GPRIN3: variants seen among roughly 807,000 people sequenced by gnomAD.
The protein encoded by GPRIN3 is G protein-regulated inducer of neurite outgrowth 3.
Under a neutral mutation model 13.7 loss-of-function variants are expected in GPRIN3, and 12 were observed. That is an observed-to-expected ratio of 0.87 (90% CI 0.56 to 1.42). The LOEUF (loss-of-function observed/expected upper bound fraction) is 1.42. GPRIN3 is among the 40% of genes most tolerant of loss of function. The pLI is 0.00. For synonymous variants in GPRIN3, 377 were observed against 372.7 expected (o/e 1.01, Z -0.13); for missense variants, 1,009 against 958.7 (o/e 1.05, Z -0.69).
intron 1 of GPRIN3, among the ~76,000 whole-genome samples, chr4:89,274,216 AGTGCTATTTAACTGT>A (rs1420586332): frequency 6.6e-6 from 1 of 152,184 alleles, no homozygotes; most frequent in Non-Finnish European, 1.5e-5. Context: ...ATAACCCCGA[AGTGCTATTTAACTGT>A]GTTGTTGTCG....
In GPRIN3 at chr4:89,249,573, T is replaced by C. The variant is rs72869899; in HGVS notation, c.538A>G (p.Ser180Gly). 2,787 of 1,614,154 alleles carry C rather than the reference T, an allele frequency of 1.7e-3. 41 individuals are homozygous for C. The African/African-American group carries it at 0.032, about 18-fold the overall frequency. Residue 180 changes from serine (S) to glycine (G), a missense_variant, in exon 2 of 2, where the codon AGC becomes GGC. Physicochemically the swap from Ser to Gly is moderately conservative, Grantham distance 56 (BLOSUM62 0). Coordinates refer to ENST00000609438, the MANE Select transcript of GPRIN3 (RefSeq NM_198281.3). ...TCACAGGACACCTGATCTTTGCTGC[T>C]ACTGAGGACGCCTCCCACAGGACAA... ...PSCPVGGVLS[S>G]SKDQVSCEFP...
chr4:89,249,008 T>C lies in GPRIN3; in HGVS notation c.1103A>G (p.His368Arg), dbSNP rs766855005. 21 of 1,614,068 alleles carry C rather than the reference T, an allele frequency of 1.3e-5. No individual in the cohort carries two copies. In the African/African-American group the frequency reaches 2.0e-4, roughly 15 times the overall value. Residue 368 changes from histidine to arginine, a missense_variant, in exon 2 of 2, where the codon CAC becomes CGC. Coordinates refer to ENST00000609438, the MANE Select transcript of GPRIN3 (RefSeq NM_198281.3). ...LRVICHSSGS[H>R]TLELSDSTLA... ...CGTGCTGTCAGAGAGCTCCAGTGTGTGGCTCCCACTGCTGTGGCAAATGAC... is the reference window on the plus strand; with the variant it reads ...CGTGCTGTCAGAGAGCTCCAGTGTGCGGCTCCCACTGCTGTGGCAAATGAC...
chr4:89,266,457 A>G (rs1161674575), intron 1 of GPRIN3, among the ~76,000 whole-genome samples: 4 of 152,170 alleles, frequency 2.6e-5, no homozygotes, highest in Non-Finnish European at 5.9e-5. Flanking sequence ...TCACCACATA[A>G]TTTGACTACA....
chr4:89,272,935 T>C (rs532152395), intron 1 of GPRIN3, among the ~76,000 whole-genome samples: 1 of 152,332 alleles, frequency 6.6e-6, no homozygotes, highest in East Asian at 1.9e-4. Flanking sequence ...ACCATCAGCT[T>C]GGGCCCTCTG....
chr4:89,277,529 G>C (rs1724128251), intron 1 of GPRIN3, among the ~76,000 whole-genome samples: 2 of 152,216 alleles, frequency 1.3e-5, no homozygotes, highest in African/African-American at 4.8e-5. Flanking sequence ...CTGACCTTCA[G>C]GCTACTTGTC....
Position 89,249,118 on chromosome 4 carries a change from T to C in GPRIN3, c.993A>G (p.Arg331=). 1.2e-6 allele frequency: 2 copies of C among 1,614,136 alleles called. No individual in the cohort carries two copies. The highest frequency in any genetic ancestry group is 1.7e-6 in the Non-Finnish European group (2 of 1,180,014). The change falls in exon 2 of 2, where the codon AGA becomes AGG. Residue 331 remains arginine (R), a synonymous_variant. Transcript: ENST00000609438. ...EVQAVASVES[R]SVSTSPSILT... ...GGATACTGGGGCTGGTGGAGACGGA[T>C]CTGCTCTCGACACTCGCCACTGCCT...
intron 1 of GPRIN3, among the ~76,000 whole-genome samples, chr4:89,257,263 T>C (rs1451321879): frequency 6.6e-6 from 1 of 152,158 alleles, no homozygotes; most frequent in Non-Finnish European, 1.5e-5. Flanking sequence ...ATCCAGTTTG[T>C]CTTTTCAACA....
chr4:89,282,722 C>G (rs1561217595), intron 1 of GPRIN3, among the ~76,000 whole-genome samples: 1 of 150,846 alleles, frequency 6.6e-6, no homozygotes, highest in Non-Finnish European at 1.5e-5. Context: ...GAATATTAAT[C>G]TGACAAATCA....
chr4:89,286,618 T>G (rs924891339), intron 1 of GPRIN3, among the ~76,000 whole-genome samples: 2 of 152,158 alleles, frequency 1.3e-5, no homozygotes, highest in African/African-American at 4.8e-5. Flanking sequence ...GTACATATCC[T>G]TTTATACATT....
rs920884716 is a variant in GPRIN3, at chr4:89,248,230, G to A, written c.1881C>T (p.Ser627=). Residue 627 remains serine (S), a synonymous_variant, in exon 2 of 2, where the codon TCC becomes TCT. Transcript: ENST00000609438. ...PGSGKKTPSR[S]VKASPRRPSR... Reference sequence around the variant, plus strand: ...TGGGCCTGCGTGGGCTGGCTTTGACGGAGCGAGATGGGGTCTTCTTGCCAG... The same window carrying A: ...TGGGCCTGCGTGGGCTGGCTTTGACAGAGCGAGATGGGGTCTTCTTGCCAG... 53 of 1,614,066 alleles carry A rather than the reference G, an allele frequency of 3.3e-5. No homozygotes were observed. Among genetic ancestry groups the A allele is most frequent in the Middle Eastern group, 1.6e-4 (1 of 6,084 alleles).
chr4:89,247,165 G>A lies in GPRIN3; in HGVS notation c.*615C>T, dbSNP rs1723123459. 6.6e-6 allele frequency: 1 copy of A among 152,116 alleles called. No homozygotes were observed. Among genetic ancestry groups the A allele is most frequent in the African/African-American group, 2.4e-5 (1 of 41,420 alleles). The allele number at this position is 152,116 out of a possible 1,614,324, so 9.4% of individuals were successfully genotyped here. On this transcript the variant is annotated 3_prime_UTR_variant, in exon 2 of 2. Transcript: ENST00000609438. ...ACAGCAATAAGAAGGTTTATAAAAA[G>A]AGTTGTCTGCAGATGTTTATAAACA...
chr4:89,292,345 G>A (rs1724595798), intron 1 of GPRIN3, among the ~76,000 whole-genome samples: 1 of 152,052 alleles, frequency 6.6e-6, no homozygotes, highest in Non-Finnish European at 1.5e-5. Flanking sequence ...AAATATATTT[G>A]GGATTGTGAA....
chr4:89,258,217 G>T (rs1188951480), intron 1 of GPRIN3, among the ~76,000 whole-genome samples: 2 of 137,536 alleles, frequency 1.5e-5, no homozygotes, highest in African/African-American at 2.6e-5. Context: ...CTTGTAGAAT[G>T]GTTAAGCCTG....
chr4:89,266,845 TC>T (rs1723794907), intron 1 of GPRIN3, among the ~76,000 whole-genome samples: 1 of 152,216 alleles, frequency 6.6e-6, no homozygotes. Context: ...TGATACAAAT[TC>T]AAGTGTTTTA....
chr4:89,303,643 G>A (rs976322568), intron 1 of GPRIN3, among the ~76,000 whole-genome samples: 2 of 151,692 alleles, frequency 1.3e-5, no homozygotes, highest in African/African-American at 4.8e-5. Context: ...GGAAAAGGGG[G>A]CATCCAGGTC....
At chr4:89,276,911 G>A (rs1176379759) in intron 1 of GPRIN3, among the ~76,000 whole-genome samples, 1 of 152,186 alleles carries the variant, frequency 6.6e-6, no homozygotes, top group African/African-American at 2.4e-5. Flanking sequence ...AGGAGGACAT[G>A]TCCAATGAAA....
rs191574451 is a variant in GPRIN3, at chr4:89,281,357, C to T, written c.-124+26258G>A. 6.0e-3 allele frequency among the ~76,000 whole-genome samples: 906 copies of T among 152,220 alleles called. 4 individuals are homozygous for T. The highest frequency in any genetic ancestry group is 0.02 in the Middle Eastern group (6 of 294). Reference sequence around the variant, plus strand: ...CAGGCTGGTCTCGAACTCGTGACCTCGTGATCTGCCCACCTCGGCTCCCCA... The same window carrying T: ...CAGGCTGGTCTCGAACTCGTGACCTTGTGATCTGCCCACCTCGGCTCCCCA... On this transcript the variant is annotated intron_variant, in intron 1 of 1. Coordinates refer to ENST00000609438, the MANE Select transcript of GPRIN3 (RefSeq NM_198281.3).
rs1469714136 is a variant in GPRIN3, at chr4:89,240,193, T to C, written c.*7587A>G. ...CACTTGCCAGCTAATGATTCTAATG[T>C]TGTTAGAATCCACACAGTATTACCT... On this transcript the variant is annotated 3_prime_UTR_variant, in exon 2 of 2. Coordinates refer to ENST00000609438, the MANE Select transcript of GPRIN3 (RefSeq NM_198281.3). 6.6e-6 allele frequency: 1 copy of C among 152,176 alleles called. No homozygotes were observed. Among genetic ancestry groups the C allele is most frequent in the Non-Finnish European group, 1.5e-5 (1 of 68,028 alleles). The allele number at this position is 152,176 out of a possible 1,614,324, so 9.4% of individuals were successfully genotyped here. A position where few individuals can be genotyped will look rare whatever the true frequency, so the allele number is the denominator to read the frequency against.
intron 1 of GPRIN3, among the ~76,000 whole-genome samples, chr4:89,280,966 C>T (rs1203777446): frequency 6.6e-6 from 1 of 152,024 alleles, no homozygotes; most frequent in Non-Finnish European, 1.5e-5. Flanking sequence ...AGTTGGCTCA[C>T]AGTTCTTCAG....
Sources: allele counts gnomAD v4.1 joint callset (sites outside exome capture counted in the v4.1 genomes callset), GRCh38; gene constraint gnomAD v4.1.1; transcripts MANE v1.5; gene names NCBI Gene and HGNC (gene_info 2026-07-23, HGNC 2026-07-21).